Variants in SYTL5 observed in about 807,000 individuals in gnomAD.
SYTL5 encodes the protein synaptotagmin like 5.
A neutral mutation model predicts 55.9 loss-of-function variants in SYTL5; 34 were observed. The ratio of observed to expected loss-of-function variants is 0.61; its 90% CI spans 0.46 to 0.81. SYTL5 has a LOEUF of 0.81. Among genes scored for constraint, SYTL5 ranks in the 30% least tolerant of loss-of-function variants. SYTL5 has a pLI of 0.00. For missense variants in SYTL5, 637 were observed against 546.7 expected, an observed-to-expected ratio of 1.17 and a Z score of -1.65; for synonymous variants, 221 against 188.7, an observed-to-expected ratio of 1.17 and a Z score of -1.40.
the SYTL5 span, among the ~76,000 whole-genome samples, chrX:37,965,817 T>C: frequency 1.2e-4 from 13 of 112,793 alleles, no homozygotes; most frequent in African/African-American, 4.2e-4. Flanking sequence ...TTTATAGTTA[T>C]ATATTTCTGT....
Position 38,075,033 on chromosome X carries a change from T to G in SYTL5, c.554+1335T>G, listed in dbSNP as rs1264442888. ...ATGGCACCTGACTCATCAAAAACAA[T>G]CAGTGGCTTGATTGAATAAGTAACT... On this transcript the variant is annotated intron_variant, in intron 5 of 16. Transcript: ENST00000297875. Among the ~76,000 whole-genome samples the G allele has an allele frequency of 4.5e-5, 5 of 111,109 alleles. No homozygotes were observed. In the South Asian group the frequency reaches 1.9e-3, roughly 43 times the overall value.
intron 3 of SYTL5, among the ~76,000 whole-genome samples, chrX:38,065,559 T>C (rs780667908): frequency 8.9e-6 from 1 of 112,214 alleles, no homozygotes; most frequent in Non-Finnish European, 1.9e-5. Flanking sequence ...GTCATGCTAA[T>C]TGTGGTTCTT....
At chrX:37,954,272 A>C in the SYTL5 span, among the ~76,000 whole-genome samples, 2 of 111,633 alleles carry the variant, frequency 1.8e-5, no homozygotes, top group Admixed American at 1.9e-4. Flanking sequence ...AACTGACTGA[A>C]GGTAAGGAAA....
At chrX:38,100,924 A>T (rs973233017) in intron 9 of SYTL5, among the ~76,000 whole-genome samples, 1 of 111,183 alleles carries the variant, frequency 9.0e-6, no homozygotes, top group Non-Finnish European at 1.9e-5. Context: ...AATAGAAAAA[A>T]ATCTGAAAAT....
intron 6 of SYTL5, among the ~76,000 whole-genome samples, chrX:38,079,401 A>G (rs1936471751): frequency 8.9e-6 from 1 of 112,258 alleles, no homozygotes; most frequent in Admixed American, 9.5e-5. Flanking sequence ...GCAGCCTCTC[A>G]GAAGAGCTTG....
the SYTL5 span, among the ~76,000 whole-genome samples, chrX:37,981,458 G>A: frequency 9.0e-6 from 1 of 110,976 alleles, no homozygotes; most frequent in South Asian, 3.8e-4. Flanking sequence ...ACCATGCCTA[G>A]CTAATTTTTG....
the SYTL5 span, among the ~76,000 whole-genome samples, chrX:37,967,269 C>G: frequency 6.6e-4 from 73 of 111,413 alleles, no homozygotes; most frequent in African/African-American, 2.1e-3. Flanking sequence ...CCAGGCTGGT[C>G]TCAAACTCCT....
At chrX:38,113,884 G>C (rs1035094138) in intron 13 of SYTL5, among the ~76,000 whole-genome samples, 1 of 111,161 alleles carries the variant, frequency 9.0e-6, no homozygotes, top group Admixed American at 9.5e-5. Context: ...TCAATGACTG[G>C]TGGATTAAGG....
chrX:38,052,800 A>AC (rs1047131615), intron 2 of SYTL5, among the ~76,000 whole-genome samples: 1 of 110,444 alleles, frequency 9.1e-6, no homozygotes, highest in Non-Finnish European at 1.9e-5. Context: ...ATGATTCTCA[A>AC]TTTTTTTTTC....
At chrX:38,045,904 T>C (rs1443624256) in intron 2 of SYTL5, among the ~76,000 whole-genome samples, 1 of 112,216 alleles carries the variant, frequency 8.9e-6, no homozygotes, top group African/African-American at 3.2e-5. Flanking sequence ...AGATGCCATA[T>C]GTTGAAAGAA....
chrX:38,025,686 T>C (rs1934744139), intron 1 of SYTL5, among the ~76,000 whole-genome samples: 1 of 112,399 alleles, frequency 8.9e-6, no homozygotes. Flanking sequence ...CTAATCTGAC[T>C]AGTGTTTACT....
the SYTL5 span, among the ~76,000 whole-genome samples, chrX:37,998,874 T>C: frequency 8.9e-6 from 1 of 112,881 alleles, no homozygotes; most frequent in South Asian, 3.7e-4. Flanking sequence ...TTATTCTCAC[T>C]GTAATTTAAA....
At chrX:37,952,457 C>T in the SYTL5 span, among the ~76,000 whole-genome samples, 1 of 111,549 alleles carries the variant, frequency 9.0e-6, no homozygotes, top group Non-Finnish European at 1.9e-5. Flanking sequence ...TTGAGTTACA[C>T]CTGTGGTTAT....
In SYTL5 at chrX:38,108,628, A is replaced by G. The variant is rs1461129018; in HGVS notation, c.1363A>G (p.Lys455Glu). ...AYVKSYLLPDKSRNNKRKTKI... is the reference protein window; with the variant it reads ...AYVKSYLLPDESRNNKRKTKI... ...TGTCAAGTCATATCTTCTTCCTGAC[A>G]AGTCCCGGAACAACAAGCGTAAGAC... The change falls in exon 12 of 17, where the codon AAG becomes GAG. Residue 455 changes from lysine (K) to glutamate (E), a missense_variant. By Grantham distance (56) the Lys-to-Glu change is moderately conservative (BLOSUM62 1). Coordinates refer to ENST00000297875, the MANE Select transcript of SYTL5 (RefSeq NM_138780.3). 1 of 1,199,091 alleles carries G rather than the reference A, an allele frequency of 8.3e-7. No individual in the cohort carries two copies. The highest frequency in any genetic ancestry group is 2.2e-5 in the Admixed American group (1 of 45,581).
chrX:38,098,737 G>C lies in SYTL5; in HGVS notation c.1062+2503G>C, dbSNP rs758888164. 3.6e-5 allele frequency among the ~76,000 whole-genome samples: 4 copies of C among 110,814 alleles called. No individual in the cohort carries two copies. In the South Asian group the frequency reaches 1.5e-3, roughly 42 times the overall value. ...AAATGAAAACATATGTCCACATAAAGACTTACACGCGAATGGTTATAATAG... is the reference window on the plus strand; with the variant it reads ...AAATGAAAACATATGTCCACATAAACACTTACACGCGAATGGTTATAATAG... On this transcript the variant is annotated intron_variant, in intron 9 of 16. Coordinates refer to ENST00000297875, the MANE Select transcript of SYTL5 (RefSeq NM_138780.3).
At chrX:38,007,626 T>A (rs1195057142) in intron 1 of SYTL5, among the ~76,000 whole-genome samples, 1 of 111,764 alleles carries the variant, frequency 8.9e-6, no homozygotes, top group Non-Finnish European at 1.9e-5. Context: ...ATTAAGTATA[T>A]AATTTTTTCA....
chrX:38,040,324 G>A (rs1260333006), intron 2 of SYTL5, among the ~76,000 whole-genome samples: 1 of 111,560 alleles, frequency 9.0e-6, no homozygotes, highest in Non-Finnish European at 1.9e-5. Flanking sequence ...TATCCCTTGA[G>A]TTACAAATAA....
Position 38,094,372 on chromosome X carries a change from A to G in SYTL5, c.909A>G (p.Arg303=). 1 of 1,207,196 alleles carries G rather than the reference A, an allele frequency of 8.3e-7. No homozygotes were observed. Among genetic ancestry groups the G allele is most frequent in the Non-Finnish European group, 1.1e-6 (1 of 892,323 alleles). The change falls in exon 8 of 17, where the codon AGA becomes AGG. Residue 303 remains arginine, a synonymous_variant. Transcript: ENST00000297875. ...TSQELTKSHR[R]NTSGTPSIAV... is the part of the protein sequence containing the mutation. ...AGGAGCTCACAAAGAGTCACCGCAGAAACACTTCTGGCACACCTTCCATAG... is the reference window on the plus strand; with the variant it reads ...AGGAGCTCACAAAGAGTCACCGCAGGAACACTTCTGGCACACCTTCCATAG...
intron 1 of SYTL5, among the ~76,000 whole-genome samples, chrX:38,023,121 G>A (rs1934615208): frequency 8.9e-6 from 1 of 112,142 alleles, no homozygotes; most frequent in Non-Finnish European, 1.9e-5. Context: ...ATATAGAAGA[G>A]CCAGATTGGA....
Sources: allele counts gnomAD v4.1 joint callset (sites outside exome capture counted in the v4.1 genomes callset), GRCh38; gene constraint gnomAD v4.1.1; transcripts MANE v1.5; gene names NCBI Gene and HGNC (gene_info 2026-07-23, HGNC 2026-07-21).